Variants in STXBP5L observed in about 807,000 individuals in gnomAD.
STXBP5L encodes syntaxin binding protein 5L.
In STXBP5L, 65 loss-of-function variants were observed where a neutral mutation model predicts 144.5. The ratio of observed to expected loss-of-function variants is 0.45; its 90% CI spans 0.37 to 0.55. The LOEUF (loss-of-function observed/expected upper bound fraction) is 0.55, where lower values mean the gene tolerates loss of function less well. Ranked by LOEUF, STXBP5L falls within the 20% of genes least tolerant of loss-of-function variation. The pLI is 0.00. For missense variants in STXBP5L, 1,298 were observed against 1,405.5 expected (o/e 0.92, Z 1.22); for synonymous variants, 505 against 469.6 (o/e 1.08, Z -0.97).
At chr3:120,948,726 C>A (rs1207018906) in intron 2 of STXBP5L, among the ~76,000 whole-genome samples, 1 of 151,744 alleles carries the variant, frequency 6.6e-6, no homozygotes, top group East Asian at 1.9e-4. Flanking sequence ...TCTGTAAATG[C>A]TATTATTTCA....
intron 5 of STXBP5L, among the ~76,000 whole-genome samples, chr3:121,081,864 G>A (rs1031827534): frequency 1.3e-5 from 2 of 152,198 alleles, no homozygotes; most frequent in African/African-American, 4.8e-5. Flanking sequence ...TGCCAGACTA[G>A]CAGGAAAGCT....
At chr3:121,191,197 G>C (rs1245947083) in intron 9 of STXBP5L, among the ~76,000 whole-genome samples, 1 of 152,164 alleles carries the variant, frequency 6.6e-6, no homozygotes, top group Non-Finnish European at 1.5e-5. Flanking sequence ...GCGGCTGGCA[G>C]GTGGAGGTTG....
chr3:121,419,028 T>A, intron 26 of STXBP5L, 28 bp from the exon 27 acceptor site: 1 of 1,609,246 alleles, frequency 6.2e-7, no homozygotes, highest in Non-Finnish European at 8.5e-7. Flanking sequence ...TATTTTAGCG[T>A]CTTATGGTGG....
intron 3 of STXBP5L, among the ~76,000 whole-genome samples, chr3:121,023,112 A>T (rs528829344): frequency 6.6e-6 from 1 of 152,122 alleles, no homozygotes; most frequent in Non-Finnish European, 1.5e-5. Context: ...AACAGTTACC[A>T]AGTTGAGAAT....
chr3:121,262,165 G>A (rs1190760570), intron 18 of STXBP5L, among the ~76,000 whole-genome samples: 2 of 152,160 alleles, frequency 1.3e-5, no homozygotes, highest in Admixed American at 1.3e-4. Flanking sequence ...TTGAGGATTA[G>A]ATGGTCTGAA....
chr3:120,988,479 A>T (rs918745277), intron 3 of STXBP5L, among the ~76,000 whole-genome samples: 7 of 151,672 alleles, frequency 4.6e-5, no homozygotes, highest in Non-Finnish European at 1.0e-4. Flanking sequence ...CTTCACCTCA[A>T]TTGTTTTAAA....
intron 20 of STXBP5L, among the ~76,000 whole-genome samples, chr3:121,334,352 CCCAAAGAATTGAGGAGGAGGGATTTCTCT>C (rs1313227398): frequency 6.6e-6 from 1 of 152,092 alleles, no homozygotes; most frequent in Non-Finnish European, 1.5e-5. Context: ...CTGAAACTAT[CCCAAAGAATTGAGGAGGAGGGATTTCTCT>C]CCAACTCATT....
intron 3 of STXBP5L, among the ~76,000 whole-genome samples, chr3:120,976,617 G>A (rs1941057234): frequency 1.3e-5 from 2 of 151,892 alleles, no homozygotes; most frequent in Non-Finnish European, 2.9e-5. Flanking sequence ...TGCTTTTCTA[G>A]TTCTTTTAAT....
intron 18 of STXBP5L, among the ~76,000 whole-genome samples, chr3:121,268,001 G>A (rs1165620178): frequency 6.6e-6 from 1 of 152,118 alleles, no homozygotes; most frequent in African/African-American, 2.4e-5. Flanking sequence ...CAGTTGTGGC[G>A]ATTCCTCAAG....
chr3:121,152,134 C>T (rs2045955288), intron 7 of STXBP5L, among the ~76,000 whole-genome samples: 1 of 151,970 alleles, frequency 6.6e-6, no homozygotes, highest in Admixed American at 6.6e-5. Context: ...ATGGCATATA[C>T]ATAGTTCATT....
chr3:120,979,162 G>GAGGC (rs1407659396), intron 3 of STXBP5L, among the ~76,000 whole-genome samples: 115 of 152,336 alleles, frequency 7.5e-4, no homozygotes, highest in African/African-American at 2.4e-3. Context: ...GGAGCCTACA[G>GAGGC]AGGCAGGCAG....
intron 7 of STXBP5L, among the ~76,000 whole-genome samples, chr3:121,150,030 G>T (rs1366155216): frequency 6.6e-6 from 1 of 151,760 alleles, no homozygotes; most frequent in Non-Finnish European, 1.5e-5. Flanking sequence ...ATTTCATTAT[G>T]ATTTCTTCTT....
At chr3:121,234,996 A>G (rs2049428566) in intron 12 of STXBP5L, among the ~76,000 whole-genome samples, 1 of 150,806 alleles carries the variant, frequency 6.6e-6, no homozygotes, top group East Asian at 1.9e-4. Flanking sequence ...CAGTATATAT[A>G]TATATATTTT....
intron 5 of STXBP5L, among the ~76,000 whole-genome samples, chr3:121,082,220 T>A (rs1243575564): frequency 6.6e-6 from 1 of 152,230 alleles, no homozygotes; most frequent in Non-Finnish European, 1.5e-5. Flanking sequence ...TTTATATCAT[T>A]GCTTATGTTG....
At chr3:121,017,050 C>T (rs1049423555) in intron 3 of STXBP5L, among the ~76,000 whole-genome samples, 3 of 151,980 alleles carry the variant, frequency 2.0e-5, no homozygotes, top group South Asian at 2.1e-4. Flanking sequence ...AAAATATTAG[C>T]AAATCAAATC....
At chr3:121,282,664 A>T (rs1013044134) in intron 19 of STXBP5L, among the ~76,000 whole-genome samples, 26 of 152,024 alleles carry the variant, frequency 1.7e-4, no homozygotes, top group African/African-American at 6.0e-4. Context: ...AAAACTTATT[A>T]CTGACATGCC....
intron 8 of STXBP5L, among the ~76,000 whole-genome samples, chr3:121,153,972 C>A (rs751232217): frequency 2.6e-5 from 4 of 151,748 alleles, no homozygotes; most frequent in Non-Finnish European, 5.9e-5. Context: ...AATACAAACA[C>A]CATGGGAATA....
intron 3 of STXBP5L, among the ~76,000 whole-genome samples, chr3:121,016,479 G>A (rs1394770874): frequency 2.6e-5 from 4 of 152,162 alleles, no homozygotes; most frequent in South Asian, 2.1e-4. Context: ...TTTGATGTAC[G>A]TATCTATAGA....
intron 7 of STXBP5L, among the ~76,000 whole-genome samples, chr3:121,123,324 A>T (rs1277994303): frequency 6.6e-6 from 1 of 151,634 alleles, no homozygotes; most frequent in Non-Finnish European, 1.5e-5. Context: ...TATGACCTAG[A>T]AAATTCATTT....
Sources: allele counts gnomAD v4.1 joint callset (sites outside exome capture counted in the v4.1 genomes callset), GRCh38; gene constraint gnomAD v4.1.1; transcripts MANE v1.5; gene names NCBI Gene and HGNC (gene_info 2026-07-23, HGNC 2026-07-21).